LARGE1: variants seen among roughly 807,000 people sequenced by gnomAD.
LARGE1 encodes the protein LARGE xylosyl- and glucuronyltransferase 1.
LARGE1 carries 43 observed loss-of-function variants against 87.6 expected under a neutral mutation model. The ratio of observed to expected loss-of-function variants is 0.49; its 90% confidence interval spans 0.38 to 0.63. The LOEUF is 0.63. Among genes scored for constraint, LARGE1 ranks in the 30% least tolerant of loss-of-function variants. LARGE1 has a pLI of 0.00. For missense variants in LARGE1, 802 were observed against 1,000.2 expected (o/e 0.80, Z 2.67); for synonymous variants, 434 against 394.6 (o/e 1.10, Z -1.18).
chr22:33,577,317 A>G (rs1222259974), intron 5 of LARGE1, among the ~76,000 whole-genome samples: 1 of 152,230 alleles, frequency 6.6e-6, no homozygotes, highest in Non-Finnish European at 1.5e-5. Flanking sequence ...ACCACCCTCC[A>G]GGATCTTACA....
chr22:33,415,979 T>C (rs1401570725), intron 7 of LARGE1, among the ~76,000 whole-genome samples: 1 of 152,196 alleles, frequency 6.6e-6, no homozygotes, highest in Non-Finnish European at 1.5e-5. Context: ...TCTTGTCCCA[T>C]ACTCCCTGTG....
At chr22:33,632,312 T>C (rs752732898) in intron 3 of LARGE1, among the ~76,000 whole-genome samples, 4 of 152,058 alleles carry the variant, frequency 2.6e-5, no homozygotes, top group Non-Finnish European at 4.4e-5. Flanking sequence ...TTAGTAGAGA[T>C]GGGGTTTGGC....
chr22:33,101,523 T>C, the LARGE1 span, among the ~76,000 whole-genome samples: 8 of 152,206 alleles, frequency 5.3e-5, no homozygotes, highest in Admixed American at 4.6e-4. Flanking sequence ...AAAATAGATA[T>C]GATCAAGACA....
intron 6 of LARGE1, among the ~76,000 whole-genome samples, chr22:33,562,126 C>T (rs74467522): frequency 3.3e-5 from 5 of 152,340 alleles, no homozygotes; most frequent in East Asian, 3.9e-4. Context: ...TACATTTATG[C>T]GCCTGACTTA....
chr22:33,427,565 T>C (rs962078202), intron 7 of LARGE1, among the ~76,000 whole-genome samples: 1 of 152,220 alleles, frequency 6.6e-6, no homozygotes. Flanking sequence ...ATGCACGCTA[T>C]GGTGCCTGGT....
chr22:33,187,115 A>G (rs1923517370), intron 11 of LARGE1, among the ~76,000 whole-genome samples: 3 of 152,236 alleles, frequency 2.0e-5, no homozygotes, highest in Non-Finnish European at 2.9e-5. Context: ...GAACTACCAT[A>G]TGATCCAGCA....
intron 1 of LARGE1, among the ~76,000 whole-genome samples, chr22:33,807,875 T>A (rs1050502072): frequency 2.6e-5 from 4 of 152,228 alleles, no homozygotes; most frequent in Non-Finnish European, 5.9e-5. Flanking sequence ...ATTGCCTGGA[T>A]GTGCTATGGT....
chr22:33,141,202 ACACACACACACACACACACAC>A, the LARGE1 span, among the ~76,000 whole-genome samples: 1 of 151,014 alleles, frequency 6.6e-6, no homozygotes, highest in Non-Finnish European at 1.5e-5. Context: ...TCTCACACAC[ACACACACACACACACACACAC>A]CACTTTGAAA....
At chr22:33,323,697 T>G (rs1936962883) in intron 10 of LARGE1, among the ~76,000 whole-genome samples, 1 of 152,124 alleles carries the variant, frequency 6.6e-6, no homozygotes. Flanking sequence ...ATTTTCTGAG[T>G]GGTGGATTCA....
intron 4 of LARGE1, among the ~76,000 whole-genome samples, chr22:33,610,035 G>C (rs2079382657): frequency 6.6e-6 from 1 of 152,032 alleles, no homozygotes; most frequent in African/African-American, 2.4e-5. Context: ...GCAGATGCTG[G>C]TGCCATGCTT....
chr22:33,285,747 A>G (rs1298680431), intron 12 of LARGE1, among the ~76,000 whole-genome samples: 1 of 152,258 alleles, frequency 6.6e-6, no homozygotes, highest in Non-Finnish European at 1.5e-5. Flanking sequence ...GCAAAGAGGA[A>G]TCATACCATA....
At chr22:33,679,759 T>C (rs2081694400) in intron 2 of LARGE1, among the ~76,000 whole-genome samples, 1 of 152,098 alleles carries the variant, frequency 6.6e-6, no homozygotes, top group South Asian at 2.1e-4. Flanking sequence ...GGAGAATTGC[T>C]TGAACCCGGG....
chr22:33,683,789 C>T (rs1192514048), intron 2 of LARGE1, among the ~76,000 whole-genome samples: 1 of 152,202 alleles, frequency 6.6e-6, no homozygotes, highest in Non-Finnish European at 1.5e-5. Context: ...CCATTGCCTT[C>T]TCTTCCCAGT....
At chr22:33,683,703 A>C (rs575498013) in intron 2 of LARGE1, among the ~76,000 whole-genome samples, 4 of 151,958 alleles carry the variant, frequency 2.6e-5, no homozygotes, top group African/African-American at 9.7e-5. Flanking sequence ...TGAGGAATAG[A>C]ATGGTTAGGC....
intron 10 of LARGE1, among the ~76,000 whole-genome samples, chr22:33,318,474 T>G (rs1601425315): frequency 6.6e-6 from 1 of 152,074 alleles, no homozygotes; most frequent in Non-Finnish European, 1.5e-5. Context: ...TATTCCATGG[T>G]GTATATGTGC....
At chr22:33,269,898 G>A (rs1044916016), downstream of LARGE1, among the ~76,000 whole-genome samples, 2 of 151,776 alleles carry the variant, frequency 1.3e-5, no homozygotes, top group Admixed American at 6.6e-5. Context: ...CCAGCTACTC[G>A]GGAGGCTGAG....
At chr22:33,368,642 G>A (rs1601606126) in intron 9 of LARGE1, among the ~76,000 whole-genome samples, 1 of 152,008 alleles carries the variant, frequency 6.6e-6, no homozygotes, top group East Asian at 1.9e-4. Flanking sequence ...GTGTGTGTGT[G>A]TGCCTGTTTG....
intron 11 of LARGE1, among the ~76,000 whole-genome samples, chr22:33,230,257 T>C (rs910598288): frequency 2.0e-5 from 3 of 151,930 alleles, no homozygotes; most frequent in Non-Finnish European, 4.4e-5. Flanking sequence ...CGTAATCTCG[T>C]AATCCACCCA....
chr22:33,789,325 G>T lies in LARGE1; in HGVS notation c.-82-27767C>A, dbSNP rs184021088. ...AATTGAGATTTGGGAACCCCTGCCT[G>T]GATTTCACAGGATGTATGGAAATGC... is the stretch of plus-strand genomic sequence containing the variant. On this transcript the variant is annotated intron_variant, in intron 1 of 14. Transcript: ENST00000397394. Among the ~76,000 whole-genome samples, 1,140 of 152,310 alleles carry T rather than the reference G, an allele frequency of 7.5e-3. 12 individuals carry two copies. Among genetic ancestry groups the T allele is most frequent in the African/African-American group, 0.027 (1,105 of 41,554 alleles).
Sources: allele counts gnomAD v4.1 joint callset (sites outside exome capture counted in the v4.1 genomes callset), GRCh38; gene constraint gnomAD v4.1.1; transcripts MANE v1.5; gene names NCBI Gene and HGNC (gene_info 2026-07-23, HGNC 2026-07-21).